Variants in CPHXL observed in about 807,000 individuals in gnomAD.
CPHXL encodes cytoplasmic polyadenylated homeobox-like protein.
Position 75,714,304 on chromosome 16 carries a change from C to A in CPHXL, c.1138G>T (p.Asp380Tyr), listed in dbSNP as rs962927225. ...LQHMSLQIAA[D>Y]SPLLPLGQDM... ...TGCCCCAGAGGCAGAAGGGGTGAGT[C>A]GGCAGCTATTTGGAGAGACATGTGC... The change falls in exon 3 of 3, where the codon GAC becomes TAC. Residue 380 changes from aspartate to tyrosine, a missense_variant. By Grantham distance (160) the Asp-to-Tyr change is radical. Coordinates refer to ENST00000640559, the MANE Select transcript of CPHXL (RefSeq NM_001355613.1). 4.0e-5 allele frequency: 16 copies of A among 398,498 alleles called. No homozygotes were observed. Among genetic ancestry groups the A allele is most frequent in the Admixed American group, 8.8e-5 (2 of 22,684 alleles). 24.7% of individuals were successfully genotyped at this position (398,498 alleles called of 1,614,324 possible).
intron 1 of CPHXL, among the ~76,000 whole-genome samples, chr16:75,726,164 A>T (rs1439394614): frequency 6.6e-6 from 1 of 152,168 alleles, no homozygotes; most frequent in East Asian, 1.9e-4. Context: ...GGTAGTTCAT[A>T]CATTCTTTTC....
Position 75,718,284 on chromosome 16 carries a change from C to G in CPHXL, c.200G>C (p.Cys67Ser). The G allele has an allele frequency of 5.0e-6, 2 of 398,776 alleles. No individual in the cohort carries two copies. The highest frequency in any genetic ancestry group is 3.6e-5 in the East Asian group (1 of 28,078). The allele number at this position is 398,776 out of a possible 1,614,324, so 24.7% of individuals were successfully genotyped here. A position where few individuals can be genotyped will look rare whatever the true frequency, so the allele number is the denominator to read the frequency against. The change falls in exon 2 of 3, where the codon TGT becomes TCT. Residue 67 changes from cysteine (C) to serine (S), a missense_variant. Coordinates refer to ENST00000640559, the MANE Select transcript of CPHXL (RefSeq NM_001355613.1). ...TRKTLAIKFDCPVNVIDNWFQ... is the reference protein window; with the variant it reads ...TRKTLAIKFDSPVNVIDNWFQ... ...ACTTACATCTATCACATTTACCGGA[C>G]AATCAAATTTGATGGCCAGTGTTTT...
At chr16:75,721,614 A>T (rs1449619617) in intron 1 of CPHXL, among the ~76,000 whole-genome samples, 2 of 152,204 alleles carry the variant, frequency 1.3e-5, no homozygotes, top group African/African-American at 2.4e-5. Context: ...AAGTCCTTAG[A>T]GACCTACAAA....
Position 75,725,753 on chromosome 16 carries a change from C to CTTTTTTTTTTTTTTTTTTTTT in CPHXL, c.25+644_25+664dup, listed in dbSNP as rs35659823. ...AGGAGTGAGCCACCGTGCCCGGCGT[C>CTTTTTTTTTTTTTTTTTTTTT]TTTTTTTTTTTTTTTTTTTTTTTTT... On this transcript the variant is annotated intron_variant, in intron 1 of 2. Transcript: ENST00000640559. Among the ~76,000 whole-genome samples, 7 of 43,318 alleles carry CTTTTTTTTTTTTTTTTTTTTT rather than the reference C, an allele frequency of 1.6e-4. 1 individual carries two copies. The highest frequency in any genetic ancestry group is 1.7e-3 in the South Asian group (1 of 576). The allele number at this position is 43,318 out of a possible 152,430, so 28.4% of individuals were successfully genotyped here.
intron 1 of CPHXL, among the ~76,000 whole-genome samples, chr16:75,721,892 A>C (rs1171750554): frequency 2.6e-5 from 4 of 152,236 alleles, no homozygotes; most frequent in Non-Finnish European, 5.9e-5. Context: ...AACAGAAATT[A>C]TAACAAACTG....
rs1959360350 is a variant in CPHXL at position 75,714,444 on chromosome 16, T to A, written c.998A>T (p.Gln333Leu). Residue 333 changes from glutamine to leucine, a missense_variant, in exon 3 of 3, where the codon CAG becomes CTG. By Grantham distance (113) the Gln-to-Leu change is moderately radical. Coordinates refer to ENST00000640559, the MANE Select transcript of CPHXL (RefSeq NM_001355613.1). The stretch of plus-strand genomic sequence containing the variant: ...CCAAGGACCCGAGTCCATTGGGAGC[T>A]GTTCCTGCAACATCATCCCCTCTAA... The part of the protein sequence containing the change: ...NYLEGMMLQE[Q>L]LPMDSGPWDL... 2.5e-6 allele frequency: 1 copy of A among 398,526 alleles called. No homozygotes were observed. Among genetic ancestry groups the A allele is most frequent in the Non-Finnish European group, 4.4e-6 (1 of 226,084 alleles). The allele number at this position is 398,526 out of a possible 1,614,324, so 24.7% of individuals were successfully genotyped here.
intron 1 of CPHXL, among the ~76,000 whole-genome samples, chr16:75,725,182 G>A (rs964688988): frequency 1.3e-5 from 2 of 151,902 alleles, no homozygotes; most frequent in African/African-American, 4.8e-5. Context: ...GTTAAATGAC[G>A]AGTTAATGGG....
At position 75,714,729 on chromosome 16, in the gene CPHXL, G is replaced by C. The variant is rs1959365132; in HGVS notation, c.713C>G (p.Ser238Cys). The change falls in exon 3 of 3, where the codon TCT (serine) becomes TGT (cysteine). Residue 238 changes from serine to cysteine, a missense_variant. By Grantham distance (112) the Ser-to-Cys change is moderately radical. Coordinates refer to ENST00000640559, the MANE Select transcript of CPHXL (RefSeq NM_001355613.1). ...GTAGCTGAGAAAATGATAGGCAGTA[G>C]AATGCCCACTTCCAGAATGCCCACT... The part of the protein sequence containing the change: ...TGSGHSGSGH[S>C]TAYHFLSYNS... The C allele has an allele frequency of 2.5e-6, 1 of 398,544 alleles. No homozygotes were observed. The highest frequency in any genetic ancestry group is 4.4e-5 in the Admixed American group (1 of 22,716). The allele number at this position is 398,544 out of a possible 1,614,324, so 24.7% of individuals were successfully genotyped here.
At position 75,725,753 on chromosome 16, in the gene CPHXL, CTTTTT is replaced by C. The variant is rs35659823; in HGVS notation, c.25+660_25+664del. Among the ~76,000 whole-genome samples, 37 of 43,316 alleles carry C rather than the reference CTTTTT, an allele frequency of 8.5e-4. No individual in the cohort carries two copies. The East Asian group carries it at 0.015, about 18-fold the overall frequency. 28.4% of individuals were successfully genotyped at this position (43,316 alleles called of 152,430 possible). ...AGGAGTGAGCCACCGTGCCCGGCGT[CTTTTT>C]TTTTTTTTTTTTTTTTTTTTTTTTT... On this transcript the variant is annotated intron_variant, in intron 1 of 2. Transcript: ENST00000640559.
intron 2 of CPHXL, among the ~76,000 whole-genome samples, 173 bp from the exon 3 acceptor site, chr16:75,715,395 C>G (rs1043382488): frequency 2.6e-5 from 4 of 152,180 alleles, no homozygotes; most frequent in Admixed American, 6.5e-5. Context: ...CCTAGAGGTA[C>G]ATGTGATAAC....
Position 75,718,373 on chromosome 16 carries a change from T to C in CPHXL, c.111A>G (p.Glu37=), listed in dbSNP as rs1429737758. Residue 37 remains glutamate, a synonymous_variant, in exon 2 of 3, where the codon GAA becomes GAG. Coordinates refer to ENST00000640559, the MANE Select transcript of CPHXL (RefSeq NM_001355613.1). ...TTTCCTTAAGTTCCTGCAGTAATTCTTCAGAAAATTTATGTCGGTGTTTTG... is the reference window on the plus strand; with the variant it reads ...TTTCCTTAAGTTCCTGCAGTAATTCCTCAGAAAATTTATGTCGGTGTTTTG... ...RKTKHRHKFS[E]ELLQELKEIF... 7.5e-6 allele frequency: 3 copies of C among 398,690 alleles called. No individual in the cohort carries two copies. The highest frequency in any genetic ancestry group is 1.3e-5 in the Non-Finnish European group (3 of 226,198). 24.7% of individuals were successfully genotyped at this position (398,690 alleles called of 1,614,324 possible).
chr16:75,717,862 T>C (rs1235162770), intron 2 of CPHXL, among the ~76,000 whole-genome samples: 1 of 152,220 alleles, frequency 6.6e-6, no homozygotes, highest in Non-Finnish European at 1.5e-5. Flanking sequence ...TCCCATTTCT[T>C]CGAATTCTGT....
At chr16:75,722,022 T>A (rs567065568) in intron 1 of CPHXL, among the ~76,000 whole-genome samples, 12 of 152,196 alleles carry the variant, frequency 7.9e-5, no homozygotes, top group Non-Finnish European at 1.6e-4. Flanking sequence ...CAAAACGAAA[T>A]GAAGGCAGAA....
Position 75,714,845 on chromosome 16 carries a change from G to T in CPHXL, c.597C>A (p.Pro199=), listed in dbSNP as rs1269806384. 5 of 398,560 alleles carry T rather than the reference G, an allele frequency of 1.3e-5. No individual in the cohort carries two copies. The highest frequency in any genetic ancestry group is 1.8e-5 in the Non-Finnish European group (4 of 226,126). 24.7% of individuals were successfully genotyped at this position (398,560 alleles called of 1,614,324 possible). Residue 199 remains proline, a synonymous_variant, in exon 3 of 3, where the codon CCC becomes CCA. Coordinates refer to ENST00000640559, the MANE Select transcript of CPHXL (RefSeq NM_001355613.1). ...QCSYLEKLGI[P]SQQVASQSSY... ...AACTCTGGGAGGCCACCTGTTGACT[G>T]GGAATCCCTAGTTTCTCCAGATAGG...
rs541010015 is a variant in CPHXL, at chr16:75,724,555, C to G, written c.25+1863G>C. Among the ~76,000 whole-genome samples the G allele has an allele frequency of 1.1e-3, 160 of 152,334 alleles. 1 individual carries two copies. The highest frequency in any genetic ancestry group is 3.7e-3 in the African/African-American group (152 of 41,570). On this transcript the variant is annotated intron_variant, in intron 1 of 2. Coordinates refer to ENST00000640559, the MANE Select transcript of CPHXL (RefSeq NM_001355613.1). ...ATCATCACTGGCCATCAGAGAAATG[C>G]AAATCAAAACCACAATGAGATACCA...
intron 1 of CPHXL, among the ~76,000 whole-genome samples, chr16:75,720,176 A>T (rs1010002460): frequency 6.6e-6 from 1 of 152,202 alleles, no homozygotes; most frequent in Non-Finnish European, 1.5e-5. Context: ...AAAAACCGGA[A>T]ACTCTAAAAA....
intron 1 of CPHXL, among the ~76,000 whole-genome samples, chr16:75,724,208 G>A (rs531537338): frequency 0.011 from 1,738 of 152,242 alleles, 20 homozygotes; most frequent in Non-Finnish European, 0.019. Flanking sequence ...CAGGACATAG[G>A]CATGGGCAAG....
chr16:75,718,696 G>A lies in CPHXL; in HGVS notation c.26-238C>T, dbSNP rs185078309. 1.5e-3 allele frequency among the ~76,000 whole-genome samples: 230 copies of A among 152,224 alleles called. 1 individual carries two copies. The highest frequency in any genetic ancestry group is 5.1e-3 in the African/African-American group (211 of 41,526). On this transcript the variant is annotated intron_variant, in intron 1 of 2. Coordinates refer to ENST00000640559, the MANE Select transcript of CPHXL (RefSeq NM_001355613.1). Reference sequence around the variant, plus strand: ...CTGTTTTTGTAAATAGAGTTTTATCGAAACACCATCACATTCATTCACTTA... The same window carrying A: ...CTGTTTTTGTAAATAGAGTTTTATCAAAACACCATCACATTCATTCACTTA...
intron 1 of CPHXL, among the ~76,000 whole-genome samples, chr16:75,721,334 C>T (rs1959474176): frequency 6.6e-6 from 1 of 152,174 alleles, no homozygotes; most frequent in African/African-American, 2.4e-5. Context: ...CAAGACCCAT[C>T]AGTGTGCTGT....
Sources: gnomAD v4.1 joint callset for allele counts (sites outside exome capture counted in the v4.1 genomes callset) on GRCh38, gnomAD v4.1.1 for gene constraint, MANE v1.5 for transcripts, NCBI Gene and HGNC (gene_info 2026-07-23, HGNC 2026-07-21) for gene names.